The following ALG9 variants were observed in gnomAD, a reference collection of about 807,000 sequenced individuals.
ALG9 encodes the protein alpha-1,2-mannosyltransferase ALG9.
Under a neutral mutation model 81.8 loss-of-function variants are expected in ALG9, and 55 were observed. The ratio of observed to expected loss-of-function variants is 0.67; its 90% CI spans 0.54 to 0.84. ALG9 has a LOEUF of 0.84. Ranked by LOEUF, ALG9 falls within the 40% of genes least tolerant of loss-of-function variation. ALG9 has a pLI of 0.00. For missense variants in ALG9, 629 were observed against 745.0 expected, an observed-to-expected ratio of 0.84 and a Z score of 1.81; for synonymous variants, 278 against 274.3, an observed-to-expected ratio of 1.01 and a Z score of -0.13.
In ALG9 at chr11:111,837,493, G is replaced by A; in HGVS notation, c.1447C>T (p.Pro483Ser). 1 of 1,614,168 alleles carries A rather than the reference G, an allele frequency of 6.2e-7. No individual in the cohort carries two copies. Among genetic ancestry groups the A allele is most frequent in the Non-Finnish European group, 8.5e-7 (1 of 1,180,034 alleles). The change falls in exon 12 of 15, where the codon CCC becomes TCC. Residue 483 changes from proline to serine, a missense_variant. Pro to Ser is a moderately conservative substitution (Grantham distance 74). Around this residue, in one of 3 missense-constraint regions of ALG9, gnomAD observed 264 missense variants for 302.2 expected, o/e 0.87. Coordinates refer to ENST00000616540, the MANE Select transcript of ALG9 (RefSeq NM_024740.2). ...VCVGKEWYRF[P>S]SSFLLPDNWQ... Reference sequence around the variant, plus strand: ...TTGTCAGGAAGAAGGAAGCTGCTGGGAAATCGATACCACTCTTTTCCCACA... The same window carrying A: ...TTGTCAGGAAGAAGGAAGCTGCTGGAAAATCGATACCACTCTTTTCCCACA...
chr11:111,856,006 C>T (rs1958604913), intron 6 of ALG9, among the ~76,000 whole-genome samples: 1 of 152,128 alleles, frequency 6.6e-6, no homozygotes, highest in African/African-American at 2.4e-5. Context: ...GGGCCGGACA[C>T]GATGGCTCAC....
At chr11:111,825,683 G>C (rs1435363571) in intron 13 of ALG9, among the ~76,000 whole-genome samples, 3 of 152,126 alleles carry the variant, frequency 2.0e-5, no homozygotes, top group African/African-American at 7.2e-5. Flanking sequence ...AACATTTTAA[G>C]TTTGTTTCTT....
chr11:111,835,339 A>G (rs1237636748), intron 13 of ALG9, among the ~76,000 whole-genome samples: 1 of 152,206 alleles, frequency 6.6e-6, no homozygotes, highest in East Asian at 1.9e-4. Flanking sequence ...ACAGGTATCA[A>G]ATGTCAAAAG....
chr11:111,777,069 G>A, the ALG9 span, among the ~76,000 whole-genome samples: 1 of 152,190 alleles, frequency 6.6e-6, no homozygotes, highest in Non-Finnish European at 1.5e-5. Flanking sequence ...TATGTGATGT[G>A]GTTTGCTCAT....
intron 14 of ALG9, among the ~76,000 whole-genome samples, chr11:111,786,830 T>C (rs1591768535): frequency 6.6e-6 from 1 of 152,194 alleles, no homozygotes; most frequent in Non-Finnish European, 1.5e-5. Flanking sequence ...AGGACTTCTA[T>C]TGCTGAAATG....
intron 10 of ALG9, among the ~76,000 whole-genome samples, chr11:111,839,045 T>C (rs1955787841): frequency 6.6e-6 from 1 of 151,996 alleles, no homozygotes; most frequent in Non-Finnish European, 1.5e-5. Context: ...TGAACCTTTT[T>C]CATATTTTTT....
intron 14 of ALG9, among the ~76,000 whole-genome samples, chr11:111,799,823 G>C (rs782360330): frequency 1.3e-5 from 2 of 152,146 alleles, no homozygotes; most frequent in African/African-American, 2.4e-5. Flanking sequence ...ACCAGCCAAA[G>C]AGGTAAATAG....
rs782443620 is a variant in ALG9, at chr11:111,871,439, G to T, written c.44C>A (p.Ala15Asp). 3 of 1,536,540 alleles carry T rather than the reference G, an allele frequency of 2.0e-6. No individual in the cohort carries two copies. The highest frequency in any genetic ancestry group is 2.6e-6 in the Non-Finnish European group (3 of 1,146,700). The change falls in exon 1 of 15, where the codon GCC (alanine) becomes GAC (aspartate). Residue 15 changes from alanine (A) to aspartate (D), a missense_variant. By Grantham distance (126) the Ala-to-Asp change is moderately radical. Transcript: ENST00000616540. ...GARQRLKGSG[A>D]SSGDTAPAAD... is the part of the protein sequence containing the mutation. ...AGCCGGGGCCGTATCCCCACTGCTG[G>T]CCCCGCTGCCCTTCAGGCGCTGCCG...
At chr11:111,849,984 C>T (rs1001637618) in intron 8 of ALG9, among the ~76,000 whole-genome samples, 4 of 152,098 alleles carry the variant, frequency 2.6e-5, no homozygotes, top group Admixed American at 6.6e-5. Context: ...AGTGAAAGAG[C>T]TAGCATTTCC....
rs60312459 is a variant in ALG9, at chr11:111,870,382, C to CAAAAAAA, written c.132-19_132-13dup. ...TGTTCCCAGATAACCTGTTCAAAAG[C>CAAAAAAA]AAAAAAAAAAAAAAAAAAAAAAGCA... On this transcript the variant is annotated splice_polypyrimidine_tract_variant and intron_variant, in intron 1 of 14. Coordinates refer to ENST00000616540, the MANE Select transcript of ALG9 (RefSeq NM_024740.2). 3.6e-4 allele frequency: 354 copies of CAAAAAAA among 973,762 alleles called. No individual in the cohort carries two copies. Among genetic ancestry groups the CAAAAAAA allele is most frequent in the South Asian group, 1.5e-3 (64 of 42,894 alleles). 60.3% of individuals were successfully genotyped at this position (973,762 alleles called of 1,614,324 possible). A position where few individuals can be genotyped will look rare whatever the true frequency, so the allele number is the denominator to read the frequency against.
At chr11:111,842,816 T>C (rs1255002888) in intron 9 of ALG9, among the ~76,000 whole-genome samples, 1 of 152,260 alleles carries the variant, frequency 6.6e-6, no homozygotes, top group African/African-American at 2.4e-5. Context: ...GGTAGATATG[T>C]GCATACATTA....
intron 6 of ALG9, among the ~76,000 whole-genome samples, chr11:111,857,153 G>A (rs567443751): frequency 8.6e-4 from 131 of 152,156 alleles, no homozygotes; most frequent in African/African-American, 3.1e-3. Context: ...AAGACGGGAG[G>A]AAACTCAGAT....
chr11:111,808,066 CA>C (rs1425845350), intron 14 of ALG9, among the ~76,000 whole-genome samples: 1 of 151,878 alleles, frequency 6.6e-6, no homozygotes, highest in Non-Finnish European at 1.5e-5. Flanking sequence ...GAGACTATCT[CA>C]AAAAAAATTT....
chr11:111,795,302 GT>G (rs1237508208), intron 14 of ALG9, among the ~76,000 whole-genome samples: 2 of 151,900 alleles, frequency 1.3e-5, no homozygotes, highest in Non-Finnish European at 2.9e-5. Flanking sequence ...ATAATCTAAA[GT>G]TTTTTTTCTG....
intron 2 of ALG9, 45 bp from the exon 3 acceptor site, chr11:111,868,781 A>C: frequency 6.6e-7 from 1 of 1,522,798 alleles, no homozygotes; most frequent in South Asian, 1.3e-5. Flanking sequence ...CTGGCCAAAA[A>C]TCTCTGTTAA....
intron 14 of ALG9, among the ~76,000 whole-genome samples, chr11:111,808,499 C>A (rs1950245549): frequency 6.6e-6 from 1 of 152,216 alleles, no homozygotes; most frequent in Non-Finnish European, 1.5e-5. Flanking sequence ...CGTGAAGAAC[C>A]AGCCTTATAC....
chr11:111,857,920 C>T (rs770869608), intron 5 of ALG9, 183 bp from the exon 6 acceptor site: 2 of 678,504 alleles, frequency 2.9e-6, no homozygotes, highest in Non-Finnish European at 4.8e-6. Context: ...AAATGAAGTT[C>T]AATGACTCTT....
Position 111,860,611 on chromosome 11 carries a change from C to T in ALG9, c.501G>A (p.Leu167=), listed in dbSNP as rs1383207491. 14 of 1,613,838 alleles carry T rather than the reference C, an allele frequency of 8.7e-6. No individual in the cohort carries two copies. Among genetic ancestry groups the T allele is most frequent in the Non-Finnish European group, 1.2e-5 (14 of 1,179,954 alleles). ...AGGCTAGCATCATTCGACTCACGTG[C>T]AACCCAAACTTCTTGCACACAGCCC... The part of the protein sequence containing the change: ...FYKAVCKKFG[L]HVSRMMLAFL... Residue 167 remains leucine, a synonymous_variant, in exon 5 of 15, where the codon TTG becomes TTA. Transcript: ENST00000616540.
the ALG9 span, among the ~76,000 whole-genome samples, chr11:111,774,656 C>G: frequency 2.2e-4 from 34 of 152,276 alleles, no homozygotes; most frequent in Non-Finnish European, 3.8e-4. Context: ...CACTAATATC[C>G]TTTTTCTATT....
Sources: gnomAD v4.1 joint callset for allele counts (sites outside exome capture counted in the v4.1 genomes callset) on GRCh38, gnomAD v4.1.1 for gene constraint, gnomAD v4.1.1 regional missense constraint, MANE v1.5 for transcripts, NCBI Gene and HGNC (gene_info 2026-07-23, HGNC 2026-07-21) for gene names.